Variants in RNF43 observed in about 807,000 individuals in gnomAD.
The protein encoded by RNF43 is E3 ubiquitin-protein ligase RNF43.
Under a neutral mutation model 78.4 loss-of-function variants are expected in RNF43, and 37 were observed. That is an observed-to-expected ratio of 0.47 (90% CI 0.36 to 0.62). RNF43 has a LOEUF of 0.62. RNF43 is among the 20% of genes least tolerant of loss of function. The probability of loss-of-function intolerance (pLI) is 0.00; values close to 1 mark genes in which losing one functional copy is unlikely to be tolerated. For synonymous variants in RNF43, 347 were observed against 395.0 expected (o/e 0.88, Z 1.44); for missense variants, 774 against 1,007.9 (o/e 0.77, Z 3.14).
intron 2 of RNF43, among the ~76,000 whole-genome samples, chr17:58,372,862 C>T (rs1298323580): frequency 1.3e-5 from 2 of 152,116 alleles, no homozygotes; most frequent in African/African-American, 4.8e-5. Flanking sequence ...CAGAGGAAGC[C>T]ACTGCACCAA....
chr17:58,394,758 T>G (rs3785493), intron 2 of RNF43: 23,731 of 152,252 alleles, frequency 0.16, 2,252 homozygotes, highest in Non-Finnish European at 0.2. Context: ...GTACCTGCAA[T>G]AGTTACCTCT....
At chr17:58,406,643 T>C (rs1260625106) in intron 2 of RNF43, among the ~76,000 whole-genome samples, 1 of 151,952 alleles carries the variant, frequency 6.6e-6, no homozygotes, top group Non-Finnish European at 1.5e-5. Context: ...GATATTAAAA[T>C]GAGGGAACAC....
intron 2 of RNF43, chr17:58,402,539 A>AG (rs750461163): frequency 6.6e-6 from 1 of 152,236 alleles, no homozygotes; most frequent in African/African-American, 2.4e-5. Flanking sequence ...TTGTGGATTC[A>AG]GAGAAGGATA....
rs141314286 is a variant in RNF43 at position 58,405,843 on chromosome 17, T to C, written c.252+9483A>G. Among the ~76,000 whole-genome samples, 251 of 152,354 alleles carry C rather than the reference T, an allele frequency of 1.6e-3. 1 individual carries two copies. Among genetic ancestry groups the C allele is most frequent in the African/African-American group, 5.8e-3 (240 of 41,582 alleles). Reference sequence around the variant, plus strand: ...CTGGCATTCAATACATAATGCCTCCTGCTGTTTAAGTTGATTCTCCTCAGT... The same window carrying C: ...CTGGCATTCAATACATAATGCCTCCCGCTGTTTAAGTTGATTCTCCTCAGT... On this transcript the variant is annotated intron_variant, in intron 2 of 9. Transcript: ENST00000407977.
chr17:58,412,657 G>T (rs564079828), intron 2 of RNF43, among the ~76,000 whole-genome samples: 2 of 147,660 alleles, frequency 1.4e-5, no homozygotes, highest in South Asian at 2.2e-4. Context: ...ATTGTCAAGG[G>T]GGGGGGTCTC....
intron 2 of RNF43, among the ~76,000 whole-genome samples, chr17:58,381,601 C>G (rs1325045128): frequency 2.0e-5 from 3 of 152,218 alleles, no homozygotes; most frequent in Admixed American, 6.5e-5. Context: ...CAGAATTTCA[C>G]TGGGTCTCTA....
At chr17:58,403,660 C>T (rs979996695) in intron 2 of RNF43, among the ~76,000 whole-genome samples, 4 of 152,110 alleles carry the variant, frequency 2.6e-5, no homozygotes, top group Non-Finnish European at 4.4e-5. Context: ...CAGAAAGTCA[C>T]GGTTTAATAA....
intron 8 of RNF43, among the ~76,000 whole-genome samples, chr17:58,359,169 A>C (rs1377074160): frequency 6.6e-6 from 1 of 152,258 alleles, no homozygotes; most frequent in African/African-American, 2.4e-5. Context: ...CATCTTTTAG[A>C]AAATTATGTT....
chr17:58,359,032 C>T (rs572725175), intron 8 of RNF43, among the ~76,000 whole-genome samples: 2 of 152,268 alleles, frequency 1.3e-5, no homozygotes, highest in East Asian at 3.9e-4. Flanking sequence ...GGCCACTATG[C>T]GTGTCAATCC....
chr17:58,400,247 AC>A (rs1412761224), intron 2 of RNF43, among the ~76,000 whole-genome samples: 1 of 152,240 alleles, frequency 6.6e-6, no homozygotes, highest in Non-Finnish European at 1.5e-5. Flanking sequence ...TACCTGTACT[AC>A]ATTATGGTAA....
chr17:58,363,763 TCTC>T (rs1435042611), intron 3 of RNF43, among the ~76,000 whole-genome samples, 163 bp from the exon 4 acceptor site: 3 of 152,174 alleles, frequency 2.0e-5, no homozygotes, highest in Admixed American at 6.5e-5. Flanking sequence ...GGGTCTAAGA[TCTC>T]CTCTTCTGCC....
chr17:58,364,349 G>C (rs368199983), intron 3 of RNF43, among the ~76,000 whole-genome samples: 14 of 152,234 alleles, frequency 9.2e-5, no homozygotes, highest in East Asian at 7.7e-4. Context: ...CATATGGTGA[G>C]TATGCACACG....
intron 2 of RNF43, among the ~76,000 whole-genome samples, chr17:58,388,079 G>A (rs904706358): frequency 2.3e-4 from 35 of 150,988 alleles, no homozygotes; most frequent in Admixed American, 2.2e-3. Context: ...ATGTTTGTTC[G>A]GGTGGGTACC....
Position 58,357,431 on chromosome 17 carries a change from C to A in RNF43, c.2308+37G>T, listed in dbSNP as rs375779794. 1 of 1,613,702 alleles carries A rather than the reference C, an allele frequency of 6.2e-7. No homozygotes were observed. The highest frequency in any genetic ancestry group is 1.3e-5 in the African/African-American group (1 of 74,926). On this transcript the variant is annotated intron_variant, in intron 9 of 9. Coordinates refer to ENST00000407977, the MANE Select transcript of RNF43 (RefSeq NM_017763.6). This position sits in a 1 kb window ranked among gnomAD's most constrained non-coding sequence, Gnocchi z 4.5. ...TCCTGAAATATTCAGCTGTAGTCTC[C>A]TCTCCCTACCACACCCACTTCCCTC...
intron 6 of RNF43, 102 bp downstream of exon 6, chr17:58,362,442 T>C (rs1018966513): frequency 1.3e-4 from 98 of 736,730 alleles, no homozygotes; most frequent in Non-Finnish European, 3.5e-5. Flanking sequence ...AATGGTTCCA[T>C]AGGTATAAAG....
chr17:58,378,863 G>T (rs981179331), intron 2 of RNF43, among the ~76,000 whole-genome samples: 6 of 152,162 alleles, frequency 3.9e-5, no homozygotes, highest in African/African-American at 1.4e-4. Context: ...TCCAGTCGGG[G>T]GCTCTGCATA....
intron 3 of RNF43, among the ~76,000 whole-genome samples, chr17:58,369,206 T>A (rs906780120): frequency 6.6e-6 from 1 of 152,096 alleles, no homozygotes; most frequent in Non-Finnish European, 1.5e-5. Flanking sequence ...AAATGAAACA[T>A]CCAGAAGTAG....
rs185704495 is a variant in RNF43 at position 58,386,144 on chromosome 17, G to A, written c.253-15111C>T. On this transcript the variant is annotated intron_variant, in intron 2 of 9. Transcript: ENST00000407977. ...AAAAAACAACAACAAAAAACACCATGCAGCCGGGCGTGGTGGCTCATGCCT... is the reference window on the plus strand; with the variant it reads ...AAAAAACAACAACAAAAAACACCATACAGCCGGGCGTGGTGGCTCATGCCT... Among the ~76,000 whole-genome samples, 508 of 151,922 alleles carry A rather than the reference G, an allele frequency of 3.3e-3. 2 individuals are homozygous for A. Among genetic ancestry groups the A allele is most frequent in the African/African-American group, 0.012 (481 of 41,438 alleles).
chr17:58,375,194 C>T (rs752386442), intron 2 of RNF43, among the ~76,000 whole-genome samples: 6 of 152,166 alleles, frequency 3.9e-5, no homozygotes, highest in Non-Finnish European at 7.4e-5. Flanking sequence ...TATATTGCAG[C>T]CAAAGTGGTC....
Sources: gnomAD v4.1 joint callset for allele counts (sites outside exome capture counted in the v4.1 genomes callset) on GRCh38, gnomAD v4.1.1 for gene constraint, Gnocchi (gnomAD v3.1) non-coding constraint, MANE v1.5 for transcripts, NCBI Gene and HGNC (gene_info 2026-07-23, HGNC 2026-07-21) for gene names.